Variants in EFTUD2 observed in about 807,000 individuals in gnomAD.
EFTUD2 encodes 116 kDa U5 small nuclear ribonucleoprotein component.
EFTUD2 carries 9 observed loss-of-function variants against 114.3 expected under a neutral mutation model. The observed-to-expected ratio is 0.08, with a 90% confidence interval of 0.05 to 0.14. The LOEUF is 0.14. Ranked by LOEUF, EFTUD2 falls within the 10% of genes least tolerant of loss-of-function variation. The probability of loss-of-function intolerance (pLI) is 1.00; values close to 1 mark genes in which losing one functional copy is unlikely to be tolerated. For missense variants in EFTUD2, 765 were observed against 1,241.2 expected, an observed-to-expected ratio of 0.62 and a Z score of 5.76; for synonymous variants, 449 against 462.3, an observed-to-expected ratio of 0.97 and a Z score of 0.37.
Position 44,851,235 on chromosome 17 carries a change from C to A in EFTUD2, c.*39G>T. 1 of 1,532,606 alleles carries A rather than the reference C, an allele frequency of 6.5e-7. No homozygotes were observed. The highest frequency in any genetic ancestry group is 9.0e-7 in the Non-Finnish European group (1 of 1,106,538). 94.9% of individuals were successfully genotyped at this position (1,532,606 alleles called of 1,614,324 possible). A position where few individuals can be genotyped will look rare whatever the true frequency, so the allele number is the denominator to read the frequency against. On this transcript the variant is annotated 3_prime_UTR_variant, in exon 28 of 28. Transcript: ENST00000426333. ...TCAGCTTCAAGTACAGGAGTTGCAG[C>A]CCACTGTAGGGAGCAGGAGCTCCCA...
intron 2 of EFTUD2, among the ~76,000 whole-genome samples, chr17:44,891,515 A>T (rs940919896): frequency 2.5e-4 from 38 of 152,086 alleles, no homozygotes; most frequent in African/African-American, 8.9e-4. Context: ...ATGCTTGGCT[A>T]ATTTTTAAAT....
chr17:44,861,554 A>G (rs955537269), intron 16 of EFTUD2, among the ~76,000 whole-genome samples: 1 of 151,920 alleles, frequency 6.6e-6, no homozygotes, highest in Non-Finnish European at 1.5e-5. Flanking sequence ...TAATACGGTG[A>G]AACCTGTCTC....
intron 2 of EFTUD2, among the ~76,000 whole-genome samples, chr17:44,888,290 G>A (rs767173221): frequency 1.3e-5 from 2 of 152,192 alleles, no homozygotes; most frequent in Non-Finnish European, 2.9e-5. Context: ...AGCAAAAGTA[G>A]GCGGGGAGGT....
chr17:44,850,440 C>A lies in EFTUD2; in HGVS notation c.*834G>T. 1.4e-6 allele frequency: 2 copies of A among 1,409,116 alleles called. No individual in the cohort carries two copies. Among genetic ancestry groups the A allele is most frequent in the Non-Finnish European group, 2.0e-6 (2 of 1,000,028 alleles). The allele number at this position is 1,409,116 out of a possible 1,614,324, so 87.3% of individuals were successfully genotyped here. A position where few individuals can be genotyped will look rare whatever the true frequency, so the allele number is the denominator to read the frequency against. On this transcript the variant is annotated 3_prime_UTR_variant, in exon 28 of 28. Coordinates refer to ENST00000426333, the MANE Select transcript of EFTUD2 (RefSeq NM_004247.4). ...GGCTGTCCAACTCCCCTAACTCAAT[C>A]CCTGGTACATTCCTAATAAAGCAGT...
chr17:44,861,069 A>G (rs1409855885), intron 16 of EFTUD2, among the ~76,000 whole-genome samples: 1 of 152,244 alleles, frequency 6.6e-6, no homozygotes, highest in Non-Finnish European at 1.5e-5. Context: ...CTGTGAGGAC[A>G]TAAGAGGAAA....
At chr17:44,898,753 C>G (rs2051449886) in intron 1 of EFTUD2, among the ~76,000 whole-genome samples, 1 of 152,262 alleles carries the variant, frequency 6.6e-6, no homozygotes, top group Non-Finnish European at 1.5e-5. Context: ...TTGCTATTCA[C>G]AAATGTTATA....
At position 44,883,189 on chromosome 17, in the gene EFTUD2, G is replaced by A. The variant is rs759813626; in HGVS notation, c.427-31C>T. 29 of 1,607,406 alleles carry A rather than the reference G, an allele frequency of 1.8e-5. No individual in the cohort carries two copies. The East Asian group carries it at 4.5e-4, about 25-fold the overall frequency. ...AGGGAAGAAACAGTTAACATCTGCCGACCACAGAGGAAAATTTACTGTGCC... is the reference window on the plus strand; with the variant it reads ...AGGGAAGAAACAGTTAACATCTGCCAACCACAGAGGAAAATTTACTGTGCC... On this transcript the variant is annotated intron_variant, in intron 5 of 27. Coordinates refer to ENST00000426333, the MANE Select transcript of EFTUD2 (RefSeq NM_004247.4).
At chr17:44,884,988 A>G (rs1201220979) in intron 4 of EFTUD2, among the ~76,000 whole-genome samples, 1 of 152,244 alleles carries the variant, frequency 6.6e-6, no homozygotes, top group Admixed American at 6.5e-5. Flanking sequence ...AACAGTGATA[A>G]CTGCAATACC....
At chr17:44,866,420 A>AT (rs386386156) in intron 13 of EFTUD2, among the ~76,000 whole-genome samples, 4 of 151,338 alleles carry the variant, frequency 2.6e-5, no homozygotes, top group East Asian at 3.9e-4. Flanking sequence ...GATTTATTTT[A>AT]TTTTTTTTGA....
intron 20 of EFTUD2, among the ~76,000 whole-genome samples, chr17:44,855,594 C>T (rs1285153715): frequency 6.6e-6 from 1 of 151,036 alleles, no homozygotes; most frequent in Non-Finnish European, 1.5e-5. Flanking sequence ...AAAAAAAACC[C>T]CAGACAAACA....
At chr17:44,894,345 G>A (rs778872917) in intron 2 of EFTUD2, 72 bp downstream of exon 2, 6 of 1,319,322 alleles carry the variant, frequency 4.5e-6, no homozygotes, top group Non-Finnish European at 6.5e-6. Flanking sequence ...ACTCCAACCT[G>A]GCAAGAGAGT....
intron 20 of EFTUD2, 78 bp from the exon 21 acceptor site, chr17:44,855,082 A>T (rs2050523978): frequency 7.6e-7 from 1 of 1,309,416 alleles, no homozygotes. Context: ...GGGTAACAAG[A>T]CGGACAGCTG....
intron 4 of EFTUD2, chr17:44,884,065 A>C: frequency 3.7e-6 from 1 of 267,228 alleles, no homozygotes; most frequent in East Asian, 7.8e-5. Flanking sequence ...TCAGGAGTTC[A>C]AGACCAGCCT....
At chr17:44,872,754 T>G in intron 10 of EFTUD2, 184 bp from the exon 11 acceptor site, 1 of 526,036 alleles carries the variant, frequency 1.9e-6, no homozygotes, top group Non-Finnish European at 3.0e-6. Context: ...TTCCCCTAAT[T>G]CCCAATAACA....
chr17:44,880,330 T>A (rs1048882898), intron 8 of EFTUD2: 3 of 394,498 alleles, frequency 7.6e-6, no homozygotes, highest in Middle Eastern at 7.0e-4. Context: ...CTAACATTTT[T>A]AAATATTCGA....
chr17:44,856,343 A>G lies in EFTUD2; in HGVS notation c.2045+732T>C, dbSNP rs143861168. Among the ~76,000 whole-genome samples, 964 of 151,762 alleles carry G rather than the reference A, an allele frequency of 6.4e-3. 10 individuals carry two copies. Among genetic ancestry groups the G allele is most frequent in the African/African-American group, 0.022 (918 of 41,332 alleles). ...CAGGGGTTCGAGACCAGCCTGGGCA[A>G]CATGGCGAAACCCCACCTCTACTAA... is the stretch of plus-strand genomic sequence containing the variant. On this transcript the variant is annotated intron_variant, in intron 20 of 27. Transcript: ENST00000426333.
Position 44,854,717 on chromosome 17 carries a change from A to T in EFTUD2, c.2133-35T>A. On this transcript the variant is annotated intron_variant, in intron 21 of 27. Transcript: ENST00000426333. The surrounding 1 kb of genome is among the most constrained non-coding windows in gnomAD (Gnocchi z 4.3). Reference sequence around the variant, plus strand: ...GGAGGAGACAATGGAGCTGTCAGCCAGCTCTGTGATTGCTGGTCCTGGAGC... The same window carrying T: ...GGAGGAGACAATGGAGCTGTCAGCCTGCTCTGTGATTGCTGGTCCTGGAGC... 6.2e-7 allele frequency: 1 copy of T among 1,602,542 alleles called. No homozygotes were observed. The highest frequency in any genetic ancestry group is 8.5e-7 in the Non-Finnish European group (1 of 1,172,522).
chr17:44,893,239 C>T (rs571760879), intron 2 of EFTUD2, among the ~76,000 whole-genome samples: 55 of 152,118 alleles, frequency 3.6e-4, no homozygotes, highest in African/African-American at 1.2e-3. Flanking sequence ...TTTCCTGCCT[C>T]GGCCTTCCAA....
intron 10 of EFTUD2, 133 bp downstream of exon 10, chr17:44,875,801 G>A: frequency 2.0e-6 from 2 of 1,024,514 alleles, no homozygotes; most frequent in Non-Finnish European, 2.9e-6. Context: ...AGAGTCCCAG[G>A]ATGTGCCTCT....
Sources: allele counts gnomAD v4.1 joint callset (sites outside exome capture counted in the v4.1 genomes callset), GRCh38; gene constraint gnomAD v4.1.1; non-coding constraint Gnocchi (gnomAD v3.1); transcripts MANE v1.5; gene names NCBI Gene and HGNC (gene_info 2026-07-23, HGNC 2026-07-21).